Variants in NCBP2 observed in about 807,000 individuals in gnomAD.
The protein encoded by NCBP2 is nuclear cap-binding protein subunit 2.
NCBP2 carries 8 observed loss-of-function variants against 21.5 expected under a neutral mutation model. The observed-to-expected ratio is 0.37, with a 90% CI of 0.22 to 0.67. NCBP2 has a LOEUF of 0.67. Among genes scored for constraint, NCBP2 ranks in the 30% least tolerant of loss-of-function variants. NCBP2 has a pLI of 0.56. For synonymous variants in NCBP2, 92 were observed against 75.8 expected (o/e 1.21, Z -1.11); for missense variants, 127 against 206.9 (o/e 0.61, Z 2.37).
chr3:196,938,928 T>C (rs774112354), intron 2 of NCBP2: 9 of 217,004 alleles, frequency 4.1e-5, no homozygotes, highest in Non-Finnish European at 7.2e-5. Context: ...AAGAAACTGG[T>C]AACTGACTGC....
chr3:196,937,486 A>AG lies in NCBP2; in HGVS notation c.399+23dup. 4 of 1,612,168 alleles carry AG rather than the reference A, an allele frequency of 2.5e-6. 1 individual carries two copies. The South Asian group carries it at 4.4e-5, about 18-fold the overall frequency. On this transcript the variant is annotated intron_variant, in intron 3 of 3. Transcript: ENST00000321256. ...TGACTGGAATCCCAGGCAATGGCTGAGCCCAGAGACCCTTCTTGCATACCT... is the reference window on the plus strand; with the variant it reads ...TGACTGGAATCCCAGGCAATGGCTGAGGCCCAGAGACCCTTCTTGCATACCT...
In NCBP2 at chr3:196,941,602, T is replaced by C. The variant is rs560369336; in HGVS notation, c.78+824A>G. On this transcript the variant is annotated intron_variant, in intron 1 of 3. Transcript: ENST00000321256. ...GCGCAGAAACTGTCTTCCCTCTCCCTCTAGGGTTTAGCACAAGGATTTGGC... is the reference window on the plus strand; with the variant it reads ...GCGCAGAAACTGTCTTCCCTCTCCCCCTAGGGTTTAGCACAAGGATTTGGC... 25 of 437,214 alleles carry C rather than the reference T, an allele frequency of 5.7e-5. No individual in the cohort carries two copies. The Admixed American group carries it at 7.4e-4, about 13-fold the overall frequency. The allele number at this position is 437,214 out of a possible 1,614,324, so 27.1% of individuals were successfully genotyped here. A position where few individuals can be genotyped will look rare whatever the true frequency, so the allele number is the denominator to read the frequency against.
Position 196,937,100 on chromosome 3 carries a change from CAG to C in NCBP2, c.400-20_400-19del, listed in dbSNP as rs769106725. 6.8e-6 allele frequency: 11 copies of C among 1,612,242 alleles called. No homozygotes were observed. In the East Asian group the frequency reaches 1.1e-4, roughly 16 times the overall value. ...TCCCGAACCTTTAATGGAAAGAATC[CAG>C]AGTTACAGTATGGAAAAGAATGGTG... On this transcript the variant is annotated intron_variant, in intron 3 of 3. Coordinates refer to ENST00000321256, the MANE Select transcript of NCBP2 (RefSeq NM_007362.5).
At chr3:196,941,325 C>T (rs1052441673) in intron 1 of NCBP2, among the ~76,000 whole-genome samples, 3 of 152,046 alleles carry the variant, frequency 2.0e-5, no homozygotes, top group Non-Finnish European at 4.4e-5. Context: ...CTCCTAACCT[C>T]GTGATCCACC....
chr3:196,942,162 C>T (rs1161108723), intron 1 of NCBP2: 1 of 1,460,582 alleles, frequency 6.8e-7, no homozygotes, highest in East Asian at 2.5e-5. Context: ...GCTCAAACCT[C>T]TCGGCACTGG....
intron 3 of NCBP2, 40 bp from the exon 4 acceptor site, chr3:196,937,122 A>G: frequency 6.3e-7 from 1 of 1,589,564 alleles, no homozygotes. Flanking sequence ...ATGGAAAAGA[A>G]TGGTGTAACA....
chr3:196,937,131 C>T, intron 3 of NCBP2, 49 bp from the exon 4 acceptor site: 1 of 1,533,378 alleles, frequency 6.5e-7, no homozygotes, highest in Non-Finnish European at 9.0e-7. Flanking sequence ...AATGGTGTAA[C>T]AAATATGCCT....
In NCBP2 at chr3:196,936,500, T is replaced by C. The variant is rs996500067; in HGVS notation, c.*511A>G. The C allele has an allele frequency of 6.3e-6, 1 of 158,152 alleles. No individual in the cohort carries two copies. The highest frequency in any genetic ancestry group is 1.4e-5 in the Non-Finnish European group (1 of 71,898). 9.8% of individuals were successfully genotyped at this position (158,152 alleles called of 1,614,324 possible). A position where few individuals can be genotyped will look rare whatever the true frequency, so the allele number is the denominator to read the frequency against. On this transcript the variant is annotated 3_prime_UTR_variant, in exon 4 of 4. Transcript: ENST00000321256. ...TATGTTGCCCAGTCTAGTCTCAAAC[T>C]CCTGGCCTCAAGCTATCCTTCCTCC...
At chr3:196,942,355 G>A (rs780748651) in intron 1 of NCBP2, 71 bp downstream of exon 1, 26 of 1,565,594 alleles carry the variant, frequency 1.7e-5, no homozygotes, top group Non-Finnish European at 2.2e-5. Flanking sequence ...GCGACACAAT[G>A]AGACAAGAGC....
At chr3:196,939,786 A>G in intron 1 of NCBP2, 1 of 183,208 alleles carries the variant, frequency 5.5e-6, no homozygotes, top group Non-Finnish European at 1.1e-5. Flanking sequence ...ATATATGACA[A>G]AGGGCCCTTT....
intron 2 of NCBP2, chr3:196,937,856 C>T (rs1246816896): frequency 1.0e-5 from 6 of 577,940 alleles, no homozygotes; most frequent in Non-Finnish European, 1.5e-5. Flanking sequence ...CTACACTGAT[C>T]ATATTTCTTG....
At chr3:196,940,723 T>A (rs1716504110) in intron 1 of NCBP2, among the ~76,000 whole-genome samples, 1 of 152,194 alleles carries the variant, frequency 6.6e-6, no homozygotes, top group South Asian at 2.1e-4. Context: ...AAGGTTCCAG[T>A]TTTCATCTCA....
At chr3:196,941,710 T>C in intron 1 of NCBP2, 1 of 443,738 alleles carries the variant, frequency 2.3e-6, no homozygotes, top group African/African-American at 2.1e-5. Context: ...CATCCCTACC[T>C]CCGCTGATAC....
intron 1 of NCBP2, chr3:196,942,084 C>T (rs1716613986): frequency 6.6e-7 from 1 of 1,508,270 alleles, no homozygotes; most frequent in African/African-American, 1.4e-5. Flanking sequence ...AAGGGCACCC[C>T]TCCCCCTTGC....
intron 1 of NCBP2, chr3:196,940,214 C>G (rs904187181): frequency 6.6e-6 from 1 of 152,146 alleles, no homozygotes; most frequent in African/African-American, 2.4e-5. Flanking sequence ...ACTAAAAATA[C>G]AAAAATTAGC....
At chr3:196,941,834 C>T (rs958289058) in intron 1 of NCBP2, 13 of 1,365,146 alleles carry the variant, frequency 9.5e-6, no homozygotes, top group Non-Finnish European at 1.3e-5. Flanking sequence ...CCGATCTTTA[C>T]ATCCGAACAC....
chr3:196,942,246 C>T, intron 1 of NCBP2, 180 bp downstream of exon 1: 4 of 1,472,870 alleles, frequency 2.7e-6, no homozygotes, highest in Non-Finnish European at 3.6e-6. Flanking sequence ...GAGCAAGTGG[C>T]TTCAGTGATA....
At chr3:196,941,992 C>T (rs1300518497) in intron 1 of NCBP2, 7 of 1,536,256 alleles carry the variant, frequency 4.6e-6, no homozygotes, top group Admixed American at 3.9e-5. Context: ...CGCCGAAGGG[C>T]ACTGCTTCGC....
chr3:196,935,859 C>G lies in NCBP2; in HGVS notation c.*1152G>C, dbSNP rs986392244. 1.6e-4 allele frequency: 8 copies of G among 50,384 alleles called. No individual in the cohort carries two copies. Among genetic ancestry groups the G allele is most frequent in the African/African-American group, 4.8e-4 (2 of 4,200 alleles). 3.1% of individuals were successfully genotyped at this position (50,384 alleles called of 1,614,324 possible). On this transcript the variant is annotated 3_prime_UTR_variant, in exon 4 of 4. Transcript: ENST00000321256. ...ACAAATACCAAATAAATTCCCTAGA[C>G]TCCCCTCCCTGTAGAGACCATCAGC...
Sources: allele counts gnomAD v4.1 joint callset (sites outside exome capture counted in the v4.1 genomes callset), GRCh38; gene constraint gnomAD v4.1.1; transcripts MANE v1.5; gene names NCBI Gene and HGNC (gene_info 2026-07-23, HGNC 2026-07-21).